ABCB5: variants seen among roughly 807,000 people sequenced by gnomAD.
ABCB5 encodes the protein ATP-binding cassette sub-family B member 5.
A neutral mutation model predicts 144.2 loss-of-function variants in ABCB5; 155 were observed. The ratio of observed to expected loss-of-function variants is 1.08; its 90% confidence interval spans 0.94 to 1.23. ABCB5 has a LOEUF of 1.23. Among genes scored for constraint, ABCB5 ranks in the 50% most tolerant of loss-of-function variants. The pLI is 0.00. For missense variants in ABCB5, 1,830 were observed against 1,520.8 expected, an observed-to-expected ratio of 1.20 and a Z score of -3.38; for synonymous variants, 610 against 528.6, an observed-to-expected ratio of 1.15 and a Z score of -2.11.
chr7:20,658,782 T>C, intron 14 of ABCB5, 106 bp downstream of exon 14: 1 of 1,340,550 alleles, frequency 7.5e-7, no homozygotes. Context: ...GAGAGCCCTC[T>C]TAAGGTATAA....
intron 14 of ABCB5, among the ~76,000 whole-genome samples, chr7:20,673,031 G>A (rs1293510949): frequency 2.0e-5 from 3 of 151,850 alleles, no homozygotes; most frequent in African/African-American, 4.8e-5. Context: ...TACATATGAA[G>A]TCATTTACTT....
At chr7:20,727,528 A>G (rs1782073991) in intron 22 of ABCB5, among the ~76,000 whole-genome samples, 1 of 152,218 alleles carries the variant, frequency 6.6e-6, no homozygotes, top group Admixed American at 6.5e-5. Context: ...TAAGGTCAAC[A>G]GTTAGAGACC....
At chr7:20,619,319 T>C (rs1783758685) in intron 1 of ABCB5, among the ~76,000 whole-genome samples, 1 of 152,208 alleles carries the variant, frequency 6.6e-6, no homozygotes. Context: ...ATATAAGTGT[T>C]CCCTCTTCTC....
chr7:20,746,528 G>A (rs1309362998), intron 26 of ABCB5, among the ~76,000 whole-genome samples: 1 of 152,216 alleles, frequency 6.6e-6, no homozygotes, highest in Non-Finnish European at 1.5e-5. Context: ...ATCACAGTCT[G>A]AAAATTACCC....
At position 20,669,802 on chromosome 7, in the gene ABCB5, T is replaced by C. The variant is rs192388652; in HGVS notation, c.1707+11126T>C. ...TAAATAGAGATTTATTAAATAAATA[T>C]GAGCCAGTAGGCTAGGTGCCTGAGT... is the stretch of plus-strand genomic sequence containing the variant. On this transcript the variant is annotated intron_variant, in intron 14 of 27. Transcript: ENST00000404938. Among the ~76,000 whole-genome samples the C allele has an allele frequency of 1.6e-4, 20 of 128,876 alleles. No individual in the cohort carries two copies. The South Asian group carries it at 2.5e-3, about 16-fold the overall frequency. 84.5% of individuals were successfully genotyped at this position (128,876 alleles called of 152,430 possible). A position where few individuals can be genotyped will look rare whatever the true frequency, so the allele number is the denominator to read the frequency against.
intron 25 of ABCB5, among the ~76,000 whole-genome samples, chr7:20,744,732 T>A (rs879549297): frequency 1.3e-5 from 2 of 151,908 alleles, no homozygotes; most frequent in African/African-American, 4.8e-5. Context: ...CTGTACGTTG[T>A]GCACATGTAC....
chr7:20,679,471 C>CAAAATAAAA (rs1785719058), intron 14 of ABCB5, among the ~76,000 whole-genome samples: 1 of 59,454 alleles, frequency 1.7e-5, no homozygotes, highest in Admixed American at 2.3e-4. Context: ...AACTCCATCT[C>CAAAATAAAA]AAAAAAAAAA....
intron 9 of ABCB5, among the ~76,000 whole-genome samples, chr7:20,646,478 G>C (rs1784413373): frequency 6.6e-6 from 1 of 152,184 alleles, no homozygotes; most frequent in African/African-American, 2.4e-5. Flanking sequence ...TCTGGGCTGA[G>C]ATCAGACGGA....
At chr7:20,698,353 A>AGAT in intron 16 of ABCB5, 54 bp from the exon 17 acceptor site, 1 of 1,440,876 alleles carries the variant, frequency 6.9e-7, no homozygotes, top group Non-Finnish European at 9.3e-7. Flanking sequence ...TAACTTCACT[A>AGAT]GATTCTGTTA....
chr7:20,728,416 T>C lies in ABCB5; in HGVS notation c.2828T>C (p.Leu943Ser). The C allele has an allele frequency of 6.2e-7, 1 of 1,614,158 alleles. No individual in the cohort carries two copies. The highest frequency in any genetic ancestry group is 8.5e-7 in the Non-Finnish European group (1 of 1,180,012). The stretch of plus-strand genomic sequence containing the variant: ...GCAGGGTTTCGATTTGGAGCCTATT[T>C]AATTCAAGCTGGACGAATGACCCCA... ...YAAGFRFGAY[L>S]IQAGRMTPEG... The change falls in exon 23 of 28, where the codon TTA becomes TCA. Residue 943 changes from leucine (L) to serine (S), a missense_variant. Leu to Ser is a moderately radical substitution (Grantham distance 145, BLOSUM62 -2). Transcript: ENST00000404938.
At chr7:20,652,626 T>C (rs558463135) in intron 13 of ABCB5, among the ~76,000 whole-genome samples, 93 of 152,310 alleles carry the variant, frequency 6.1e-4, no homozygotes, top group African/African-American at 2.1e-3. Flanking sequence ...AGTGAAATCA[T>C]ATTTGGAAAG....
In ABCB5 at chr7:20,647,221, T is replaced by C. The variant is rs552036871; in HGVS notation, c.982-314T>C. On this transcript the variant is annotated intron_variant, in intron 9 of 27. Coordinates refer to ENST00000404938, the MANE Select transcript of ABCB5 (RefSeq NM_001163941.2). ...TGGGGTTTATACATGGTCAGCACAC[T>C]TCAGTTAGCAGATTTTTCTGGTCAC... 1.9e-3 allele frequency: 1,934 copies of C among 1,018,050 alleles called. 1 individual carries two copies. Among genetic ancestry groups the C allele is most frequent in the Non-Finnish European group, 2.3e-3 (1,892 of 838,180 alleles). The allele number at this position is 1,018,050 out of a possible 1,614,324, so 63.1% of individuals were successfully genotyped here.
chr7:20,753,299 A>C (rs1286275747), intron 26 of ABCB5, 61 bp from the exon 27 acceptor site: 1 of 1,552,016 alleles, frequency 6.4e-7, no homozygotes, highest in African/African-American at 1.4e-5. Context: ...TCTCGCCCAC[A>C]GTTGCCATGC....
intron 21 of ABCB5, among the ~76,000 whole-genome samples, chr7:20,725,065 G>T (rs1468494582): frequency 6.6e-6 from 1 of 152,064 alleles, no homozygotes; most frequent in Non-Finnish European, 1.5e-5. Context: ...ATGAGCTTTT[G>T]CTGTATATGT....
intron 13 of ABCB5, among the ~76,000 whole-genome samples, chr7:20,658,081 G>C (rs1784869600): frequency 6.6e-6 from 1 of 152,074 alleles, no homozygotes; most frequent in African/African-American, 2.4e-5. Flanking sequence ...TTTTCATGCT[G>C]TTTTTCAGAG....
chr7:20,694,733 T>C (rs1384306508), intron 16 of ABCB5, among the ~76,000 whole-genome samples: 1 of 151,978 alleles, frequency 6.6e-6, no homozygotes, highest in African/African-American at 2.4e-5. Context: ...CTAAAACTAA[T>C]AAAGTTTAGC....
At position 20,645,745 on chromosome 7, in the gene ABCB5, GT is replaced by G. The variant is rs756886230; in HGVS notation, c.679-8del. The G allele has an allele frequency of 6.2e-7, 1 of 1,613,406 alleles. No individual in the cohort carries two copies. Among genetic ancestry groups the G allele is most frequent in the South Asian group, 1.1e-5 (1 of 90,974 alleles). ...GAGTCATTTTTTAACTGTGGTTGTG[GT>G]TTATTACAGATGGTCATCTCATTGA... On this transcript the variant is annotated splice_polypyrimidine_tract_variant and intron_variant, in intron 7 of 27. Transcript: ENST00000404938.
At chr7:20,621,569 A>G (rs931425880) in intron 1 of ABCB5, among the ~76,000 whole-genome samples, 1 of 152,138 alleles carries the variant, frequency 6.6e-6, no homozygotes, top group African/African-American at 2.4e-5. Context: ...TCTACAAACT[A>G]GTAGCTGGCA....
chr7:20,711,776 T>TTCTCTCTCTCTCTCTTTCTCTC (rs537885442), intron 20 of ABCB5, among the ~76,000 whole-genome samples: 3 of 42,248 alleles, frequency 7.1e-5, no homozygotes, highest in East Asian at 1.5e-3. Flanking sequence ...CTTTCCTTCT[T>TTCTCTCTCTCTCTCTTTCTCTC]TCTCTTTCTT....
Sources: allele counts gnomAD v4.1 joint callset (sites outside exome capture counted in the v4.1 genomes callset), GRCh38; gene constraint gnomAD v4.1.1; transcripts MANE v1.5; gene names NCBI Gene and HGNC (gene_info 2026-07-23, HGNC 2026-07-21).